Variants in ZNF786 observed in about 807,000 individuals in gnomAD.
The protein encoded by ZNF786 is zinc finger protein 786.
In ZNF786, 56 loss-of-function variants were observed where a neutral mutation model predicts 63.1. The ratio of observed to expected loss-of-function variants is 0.89; its 90% confidence interval spans 0.72 to 1.11. The LOEUF (loss-of-function observed/expected upper bound fraction) is 1.11, where lower values mean the gene tolerates loss of function less well. Among genes scored for constraint, ZNF786 ranks in the 50% least tolerant of loss-of-function variants. The pLI is 0.00. For synonymous variants in ZNF786, 485 were observed against 406.9 expected (o/e 1.19, Z -2.31); for missense variants, 1,213 against 1,041.8 (o/e 1.16, Z -2.26).
intron 2 of ZNF786, among the ~76,000 whole-genome samples, chr7:149,074,756 G>A (rs1825512829): frequency 6.6e-6 from 1 of 151,604 alleles, no homozygotes; most frequent in East Asian, 1.9e-4. Context: ...TTTTAATTTT[G>A]TCATGTTCCC....
intron 1 of ZNF786, among the ~76,000 whole-genome samples, chr7:149,085,422 T>C (rs892690607): frequency 6.6e-6 from 1 of 152,128 alleles, no homozygotes; most frequent in African/African-American, 2.4e-5. Context: ...AGTAACAAAA[T>C]GCACAAAAAT....
At chr7:149,079,870 ACAGCTACT>A (rs1237107482) in intron 2 of ZNF786, among the ~76,000 whole-genome samples, 1 of 147,864 alleles carries the variant, frequency 6.8e-6, no homozygotes, top group African/African-American at 2.5e-5. Context: ...CGCCCAGCAG[ACAGCTACT>A]CTTAAAACAC....
chr7:149,071,042 T>G lies in ZNF786; in HGVS notation c.1730A>C (p.Gln577Pro). ...CGECGKGFTR[Q>P]SKLTEHLRVH... ...GCGCAAGTGCTCCGTGAGCTTGGATTGTCTGGTGAAGCCCTTGCCACACTC... is the reference window on the plus strand; with the variant it reads ...GCGCAAGTGCTCCGTGAGCTTGGATGGTCTGGTGAAGCCCTTGCCACACTC... Residue 577 changes from glutamine to proline, a missense_variant, in exon 4 of 4, where the codon CAA (glutamine) becomes CCA (proline). Coordinates refer to ENST00000491431, the MANE Select transcript of ZNF786 (RefSeq NM_152411.4). 6.2e-7 allele frequency: 1 copy of G among 1,612,242 alleles called. No homozygotes were observed.
chr7:149,077,924 G>A (rs572205372), intron 2 of ZNF786, among the ~76,000 whole-genome samples: 9 of 150,332 alleles, frequency 6.0e-5, no homozygotes, highest in African/African-American at 9.8e-5. Context: ...GTGCAATGGC[G>A]TGATCTCGGC....
At chr7:149,073,743 GTGTGTATA>G (rs1339579560) in intron 3 of ZNF786, among the ~76,000 whole-genome samples, 30 of 69,146 alleles carry the variant, frequency 4.3e-4, no homozygotes, top group Non-Finnish European at 5.4e-4. Context: ...GTGTGTGTGT[GTGTGTATA>G]TATATATATA....
chr7:149,086,133 G>A (rs963739189), intron 1 of ZNF786, among the ~76,000 whole-genome samples: 1 of 152,178 alleles, frequency 6.6e-6, no homozygotes, highest in East Asian at 1.9e-4. Flanking sequence ...TATTCATTAT[G>A]AAATTTAGAG....
chr7:149,077,752 G>C (rs946462583), intron 2 of ZNF786, among the ~76,000 whole-genome samples: 1 of 152,056 alleles, frequency 6.6e-6, no homozygotes, highest in Non-Finnish European at 1.5e-5. Flanking sequence ...TCAAGAATTC[G>C]AGACCAGCCT....
In ZNF786 at chr7:149,072,072, G is replaced by T. The variant is rs760596961; in HGVS notation, c.700C>A (p.Pro234Thr). 2 of 1,613,328 alleles carry T rather than the reference G, an allele frequency of 1.2e-6. No individual in the cohort carries two copies. The highest frequency in any genetic ancestry group is 2.2e-5 in the South Asian group (2 of 91,008). The change falls in exon 4 of 4, where the codon CCT becomes ACT. Residue 234 changes from proline to threonine, a missense_variant. Pro to Thr is a conservative substitution (Grantham distance 38). Coordinates refer to ENST00000491431, the MANE Select transcript of ZNF786 (RefSeq NM_152411.4). ...CACCGGAAGTGCCTCTGTACCCGAG[G>T]GCTGCTCCACGGCATCTGCGTCTCC... is the stretch of plus-strand genomic sequence containing the variant. Reference protein sequence around the residue: ...RAETQMPWSSPRVQRHFRCGV... With the variant: ...RAETQMPWSSTRVQRHFRCGV...
rs766845780 is a variant in ZNF786 at position 149,070,500 on chromosome 7, AG to A, written c.2271del (p.Cys758ValfsTer19). ...LAEHIRVHTK[S>X]CPAPNELDIK... ...ATGTCCAGTTCATTTGGAGCAGGAC[AG>A]GATTTTGTGTGTACTCTGATGTGCT... On this transcript the variant is annotated frameshift_variant, in exon 4 of 4. Transcript: ENST00000491431. LOFTEE classifies it high-confidence loss of function. 38 of 1,613,940 alleles carry A rather than the reference AG, an allele frequency of 2.4e-5. No homozygotes were observed. Among genetic ancestry groups the A allele is most frequent in the Non-Finnish European group, 3.1e-5 (37 of 1,179,906 alleles).
chr7:149,080,999 C>A (rs1186943818), intron 1 of ZNF786, among the ~76,000 whole-genome samples: 1 of 152,244 alleles, frequency 6.6e-6, no homozygotes, highest in East Asian at 1.9e-4. Flanking sequence ...CACTTTGTAA[C>A]TTCATTCACT....
At position 149,072,206 on chromosome 7, in the gene ZNF786, C is replaced by T. The variant is rs1563136941; in HGVS notation, c.566G>A (p.Trp189Ter). ...VPAWESTQHP[W>*]PVCGESCWEN... is the part of the protein sequence containing the mutation. ...CCAACAGCTTTCCCCGCAGACAGGCCAAGGGTGCTGGGTGCTCTCCCAGGC... is the reference window on the plus strand; with the variant it reads ...CCAACAGCTTTCCCCGCAGACAGGCTAAGGGTGCTGGGTGCTCTCCCAGGC... Residue 189 changes from tryptophan to a stop codon, truncating the protein, a stop_gained, in exon 4 of 4, where the codon TGG becomes TAG. Transcript: ENST00000491431. LOFTEE classifies it high-confidence loss of function. 3.7e-6 allele frequency: 6 copies of T among 1,613,466 alleles called. No individual in the cohort carries two copies. The highest frequency in any genetic ancestry group is 4.2e-6 in the Non-Finnish European group (5 of 1,179,798).
chr7:149,074,976 C>T (rs997349587), intron 2 of ZNF786, among the ~76,000 whole-genome samples: 14 of 140,908 alleles, frequency 9.9e-5, no homozygotes, highest in Non-Finnish European at 1.6e-4. Context: ...ACTACAGGCA[C>T]GCACCACCAG....
chr7:149,078,681 T>C (rs1825602391), intron 2 of ZNF786, among the ~76,000 whole-genome samples: 1 of 150,412 alleles, frequency 6.6e-6, no homozygotes, highest in African/African-American at 2.4e-5. Context: ...TGAAACTCCG[T>C]CTCAAAAAAA....
intron 2 of ZNF786, among the ~76,000 whole-genome samples, chr7:149,077,629 A>AAAAT (rs748299656): frequency 1.3e-4 from 19 of 151,944 alleles, no homozygotes; most frequent in East Asian, 5.8e-4. Context: ...CTCCTTCTCA[A>AAAAT]AAATAAATAA....
At chr7:149,087,552 G>C (rs950658497) in intron 1 of ZNF786, among the ~76,000 whole-genome samples, 4 of 152,120 alleles carry the variant, frequency 2.6e-5, no homozygotes, top group Non-Finnish European at 5.9e-5. Context: ...TAGTGGCAAG[G>C]GTGAGAAACT....
chr7:149,090,104 CTT>C (rs1825805845), intron 1 of ZNF786, among the ~76,000 whole-genome samples: 1 of 152,216 alleles, frequency 6.6e-6, no homozygotes, highest in South Asian at 2.1e-4. Context: ...AAACCACTAA[CTT>C]AATTTTTTGT....
chr7:149,083,419 A>G (rs1309495763), intron 1 of ZNF786, among the ~76,000 whole-genome samples: 13 of 151,024 alleles, frequency 8.6e-5, no homozygotes, highest in Non-Finnish European at 1.5e-5. Context: ...GTTTTGGCAC[A>G]TTAGCCAGGC....
intron 1 of ZNF786, among the ~76,000 whole-genome samples, chr7:149,090,104 C>T (rs1825805827): frequency 6.6e-6 from 1 of 152,216 alleles, no homozygotes; most frequent in African/African-American, 2.4e-5. Flanking sequence ...AAACCACTAA[C>T]TTAATTTTTT....
chr7:149,079,563 CTTTTTT>C (rs377025040), intron 2 of ZNF786, among the ~76,000 whole-genome samples: 3 of 119,442 alleles, frequency 2.5e-5, no homozygotes, highest in African/African-American at 9.7e-5. Context: ...GACAGCTACT[CTTTTTT>C]TTTTTTTTTT....
Sources: allele counts gnomAD v4.1 joint callset (sites outside exome capture counted in the v4.1 genomes callset), GRCh38; gene constraint gnomAD v4.1.1; transcripts MANE v1.5; gene names NCBI Gene and HGNC (gene_info 2026-07-23, HGNC 2026-07-21).